The following VEZT variants were observed in gnomAD, a reference collection of about 807,000 sequenced individuals.
The protein encoded by VEZT is vezatin.
In VEZT, 39 loss-of-function variants were observed where a neutral mutation model predicts 79.9. That is an observed-to-expected ratio of 0.49 (90% confidence interval 0.38 to 0.64). VEZT has a LOEUF of 0.64. Among genes scored for constraint, VEZT ranks in the 30% least tolerant of loss-of-function variants. VEZT has a pLI of 0.00. For synonymous variants in VEZT, 325 were observed against 327.6 expected (o/e 0.99, Z 0.09); for missense variants, 837 against 893.1 (o/e 0.94, Z 0.80).
chr12:95,287,545 CACCTGCCTTGG>C, intron 8 of VEZT, 108 bp from the exon 9 acceptor site: 3 of 917,216 alleles, frequency 3.3e-6, no homozygotes, highest in Non-Finnish European at 4.6e-6. Context: ...TCAAGCCATT[CACCTGCCTTGG>C]CCTCCCAAAG....
At chr12:95,287,911 C>T (rs2071412321) in intron 9 of VEZT, 54 bp downstream of exon 9, 12 of 1,443,624 alleles carry the variant, frequency 8.3e-6, no homozygotes, top group Non-Finnish European at 1.1e-5. Flanking sequence ...TTATTCCACT[C>T]TGGTAGGATT....
intron 1 of VEZT, among the ~76,000 whole-genome samples, chr12:95,220,342 C>G (rs990568203): frequency 1.3e-5 from 2 of 152,176 alleles, no homozygotes; most frequent in African/African-American, 4.8e-5. Flanking sequence ...ATAGTCCCAG[C>G]TACTCGGGAG....
At chr12:95,293,284 A>G (rs981523267) in intron 9 of VEZT, among the ~76,000 whole-genome samples, 1 of 152,248 alleles carries the variant, frequency 6.6e-6, no homozygotes, top group Non-Finnish European at 1.5e-5. Flanking sequence ...TCGTTCTGCC[A>G]TCTTGCCTAC....
chr12:95,227,061 C>A (rs2058592123), intron 1 of VEZT, among the ~76,000 whole-genome samples: 1 of 152,140 alleles, frequency 6.6e-6, no homozygotes, highest in Admixed American at 6.5e-5. Flanking sequence ...GCATGAAATA[C>A]CAAGATTGTT....
intron 11 of VEZT, 42 bp downstream of exon 11, chr12:95,296,300 G>A (rs1235624511): frequency 3.3e-6 from 5 of 1,512,332 alleles, no homozygotes; most frequent in East Asian, 4.9e-5. Flanking sequence ...TCAATGTAGG[G>A]GATTCTTTCT....
At chr12:95,291,377 C>T (rs1040726866) in intron 9 of VEZT, among the ~76,000 whole-genome samples, 10 of 152,288 alleles carry the variant, frequency 6.6e-5, no homozygotes, top group African/African-American at 2.2e-4. Flanking sequence ...CAAATGCACC[C>T]CTGACTTTAA....
chr12:95,255,996 C>A (rs1416305904), intron 2 of VEZT, among the ~76,000 whole-genome samples: 1 of 152,134 alleles, frequency 6.6e-6, no homozygotes, highest in East Asian at 1.9e-4. Flanking sequence ...GCCACCATCC[C>A]CATGACATGT....
chr12:95,280,523 G>GCA (rs2068809783), intron 7 of VEZT, among the ~76,000 whole-genome samples: 1 of 106,808 alleles, frequency 9.4e-6, no homozygotes, highest in Non-Finnish European at 1.9e-5. Flanking sequence ...TTTCATATGT[G>GCA]TACACACACA....
At chr12:95,227,846 A>T (rs1353997998) in intron 1 of VEZT, among the ~76,000 whole-genome samples, 1 of 152,172 alleles carries the variant, frequency 6.6e-6, no homozygotes, top group Non-Finnish European at 1.5e-5. Flanking sequence ...GACTTTTTAA[A>T]TCTGAAAGAC....
At chr12:95,280,654 T>C (rs567863962) in intron 7 of VEZT, among the ~76,000 whole-genome samples, 2 of 152,282 alleles carry the variant, frequency 1.3e-5, no homozygotes, top group Admixed American at 6.5e-5. Context: ...TAGTATCTTT[T>C]ACTTGTAAAT....
rs1311622123 is a variant in VEZT, at chr12:95,234,992, A to G, written c.37-16948A>G. On this transcript the variant is annotated intron_variant, in intron 1 of 11. Coordinates refer to ENST00000436874, the MANE Select transcript of VEZT (RefSeq NM_017599.4). Reference sequence around the variant, plus strand: ...GTTGGGGGTAAGGTCACAGATCAACAGGATCCCAAGGCAGAAGAATTTTTC... The same window carrying G: ...GTTGGGGGTAAGGTCACAGATCAACGGGATCCCAAGGCAGAAGAATTTTTC... 1.4e-4 allele frequency among the ~76,000 whole-genome samples: 22 copies of G among 152,154 alleles called. No homozygotes were observed. In the South Asian group the frequency reaches 3.7e-3, roughly 26 times the overall value.
At chr12:95,258,098 GTAT>G (rs2138162663) in intron 3 of VEZT, 1 of 379,530 alleles carries the variant, frequency 2.6e-6, no homozygotes, top group Admixed American at 2.9e-5. Context: ...TCTAGCTCAA[GTAT>G]TATTATTTTT....
intron 1 of VEZT, among the ~76,000 whole-genome samples, chr12:95,250,311 T>A (rs1465277542): frequency 6.8e-6 from 1 of 147,570 alleles, no homozygotes. Flanking sequence ...TAATTTTTTT[T>A]TTTTTTTGTG....
At chr12:95,265,053 G>A (rs935416841) in intron 4 of VEZT, among the ~76,000 whole-genome samples, 1 of 151,674 alleles carries the variant, frequency 6.6e-6, no homozygotes, top group Admixed American at 6.6e-5. Flanking sequence ...TAGAGAAGGG[G>A]TCCTACTGTG....
chr12:95,299,935 G>A (rs1275190192), intron 11 of VEZT: 2 of 309,220 alleles, frequency 6.5e-6, no homozygotes, highest in African/African-American at 2.2e-5. Context: ...TATGTGAGGT[G>A]TCATAAAAAC....
chr12:95,248,821 C>CAAAAAAAAAAAAA (rs3080331), intron 1 of VEZT, among the ~76,000 whole-genome samples: 1 of 104,672 alleles, frequency 9.6e-6, no homozygotes, highest in Non-Finnish European at 2.0e-5. Flanking sequence ...GACCCTATCT[C>CAAAAAAAAAAAAA]AAAAAAAAAA....
At chr12:95,225,372 G>T (rs1159979625) in intron 1 of VEZT, among the ~76,000 whole-genome samples, 1 of 152,052 alleles carries the variant, frequency 6.6e-6, no homozygotes, top group African/African-American at 2.4e-5. Flanking sequence ...GGCTAATGCT[G>T]TGAAACCCCA....
rs775036813 is a variant in VEZT, at chr12:95,282,333, G to A, written c.1017G>A (p.Val339=). 1 of 1,611,198 alleles carries A rather than the reference G, an allele frequency of 6.2e-7. No individual in the cohort carries two copies. Among genetic ancestry groups the A allele is most frequent in the African/African-American group, 1.3e-5 (1 of 74,894 alleles). Residue 339 remains valine, a synonymous_variant, in exon 8 of 12, where the codon GTG becomes GTA. Coordinates refer to ENST00000436874, the MANE Select transcript of VEZT (RefSeq NM_017599.4). ...TTAAGGTTTTGTTCCAACTCTGGGT[G>A]GCACAGAGTTCAGAGTTCTTCAGAC... ...PALKVLFQLW[V]AQSSEFFRRL...
chr12:95,300,060 T>C, intron 11 of VEZT, 105 bp from the exon 12 acceptor site: 2 of 614,060 alleles, frequency 3.3e-6, no homozygotes, highest in Non-Finnish European at 4.9e-6. Flanking sequence ...CTTTTATTTA[T>C]TTATTGTTCT....
Sources: gnomAD v4.1 joint callset for allele counts (sites outside exome capture counted in the v4.1 genomes callset) on GRCh38, gnomAD v4.1.1 for gene constraint, MANE v1.5 for transcripts, NCBI Gene and HGNC (gene_info 2026-07-23, HGNC 2026-07-21) for gene names.